COL24A1: variants seen among roughly 807,000 people sequenced by gnomAD.
COL24A1 encodes collagen alpha-1(XXIV) chain.
In COL24A1, 224 loss-of-function variants were observed where a neutral mutation model predicts 253.9. The ratio of observed to expected loss-of-function variants is 0.88; its 90% confidence interval spans 0.79 to 0.99. The LOEUF (loss-of-function observed/expected upper bound fraction) is 0.99, where lower values mean the gene tolerates loss of function less well. Ranked by LOEUF, COL24A1 falls within the 50% of genes least tolerant of loss-of-function variation. The pLI is 0.00. For missense variants in COL24A1, 2,131 were observed against 2,068.5 expected (o/e 1.03, Z -0.59); for synonymous variants, 685 against 673.7 (o/e 1.02, Z -0.26).
intron 12 of COL24A1, 129 bp from the exon 13 acceptor site, chr1:86,034,052 CT>C: frequency 5.0e-6 from 3 of 597,194 alleles, no homozygotes; most frequent in Non-Finnish European, 8.2e-6. Context: ...AACAAACATT[CT>C]TTTGCATAAC....
At chr1:86,124,492 T>G (rs1327841660) in intron 3 of COL24A1, among the ~76,000 whole-genome samples, 1 of 152,006 alleles carries the variant, frequency 6.6e-6, no homozygotes, top group Non-Finnish European at 1.5e-5. Flanking sequence ...TGACTATGCA[T>G]TCTCCTATGG....
chr1:85,987,497 T>A, intron 20 of COL24A1, 104 bp downstream of exon 20: 1 of 1,014,276 alleles, frequency 9.9e-7, no homozygotes, highest in Admixed American at 2.3e-5. Flanking sequence ...CTTAAAAATA[T>A]CCAGAAATGT....
intron 32 of COL24A1, among the ~76,000 whole-genome samples, chr1:85,882,382 G>A (rs1313303970): frequency 1.3e-5 from 2 of 152,072 alleles, no homozygotes; most frequent in Non-Finnish European, 2.9e-5. Context: ...GGAGAATGGC[G>A]CGAACCCGGG....
intron 24 of COL24A1, among the ~76,000 whole-genome samples, chr1:85,937,551 A>G (rs1439456691): frequency 6.8e-6 from 1 of 147,790 alleles, no homozygotes; most frequent in African/African-American, 2.5e-5. Flanking sequence ...GAAAGCTGAC[A>G]TCAGCAAGCC....
chr1:86,099,640 T>C (rs1288772795), intron 5 of COL24A1, among the ~76,000 whole-genome samples: 1 of 152,194 alleles, frequency 6.6e-6, no homozygotes, highest in Non-Finnish European at 1.5e-5. Flanking sequence ...ATATGTAATC[T>C]ACCAGCAAAT....
At chr1:86,153,717 C>A (rs1448626976) in intron 1 of COL24A1, among the ~76,000 whole-genome samples, 2 of 152,162 alleles carry the variant, frequency 1.3e-5, no homozygotes, top group African/African-American at 4.8e-5. Context: ...ACAAATATAA[C>A]TAAGCAACTT....
At chr1:85,807,098 T>A (rs1165087286) in intron 47 of COL24A1, among the ~76,000 whole-genome samples, 1 of 152,188 alleles carries the variant, frequency 6.6e-6, no homozygotes, top group Non-Finnish European at 1.5e-5. Flanking sequence ...CTTCCTGGCT[T>A]GTGGAGGCAG....
intron 8 of COL24A1, among the ~76,000 whole-genome samples, chr1:86,059,763 C>A (rs1017788704): frequency 1.3e-5 from 2 of 152,076 alleles, no homozygotes; most frequent in Non-Finnish European, 2.9e-5. Context: ...AAATCCTAAC[C>A]CTGCTGATAA....
intron 24 of COL24A1, among the ~76,000 whole-genome samples, chr1:85,936,848 T>TC (rs1688287658): frequency 6.8e-6 from 1 of 147,570 alleles, no homozygotes; most frequent in Non-Finnish European, 1.5e-5. Flanking sequence ...AAACACATTT[T>TC]GAAAAATGAA....
chr1:85,905,881 C>CT (rs1406057327), intron 28 of COL24A1, among the ~76,000 whole-genome samples: 1 of 151,966 alleles, frequency 6.6e-6, no homozygotes, highest in African/African-American at 2.4e-5. Context: ...AGTATTTCTT[C>CT]TTTTTTTCAT....
At chr1:85,824,944 T>G (rs1674075195) in intron 43 of COL24A1, among the ~76,000 whole-genome samples, 1 of 149,384 alleles carries the variant, frequency 6.7e-6, no homozygotes, top group South Asian at 2.1e-4. Context: ...TTATTATACT[T>G]GAAGTTTTAG....
At chr1:85,781,196 A>C (rs761890114) in intron 52 of COL24A1, 24 bp downstream of exon 52, 9 of 1,522,506 alleles carry the variant, frequency 5.9e-6, no homozygotes, top group Non-Finnish European at 8.1e-6. Context: ...AGAGTACAAA[A>C]GACTTGTATT....
rs574381661 is a variant in COL24A1, at chr1:86,145,188, A to T, written c.121+931T>A. Among the ~76,000 whole-genome samples the T allele has an allele frequency of 2.0e-5, 3 of 152,182 alleles. No homozygotes were observed. In the South Asian group the frequency reaches 6.2e-4, roughly 32 times the overall value. ...TCTCTACCTTGCACATATTTCATTC[A>T]TAATTTGTTTACTTGTCTTTTTCTT... On this transcript the variant is annotated intron_variant, in intron 2 of 59. Transcript: ENST00000370571.
chr1:85,795,851 A>G (rs1670753571), intron 47 of COL24A1, among the ~76,000 whole-genome samples: 1 of 152,122 alleles, frequency 6.6e-6, no homozygotes, highest in East Asian at 1.9e-4. Context: ...TATAAATAAT[A>G]CTTTACTTCC....
At chr1:85,854,219 G>GT (rs778598743) in intron 37 of COL24A1, among the ~76,000 whole-genome samples, 6 of 152,132 alleles carry the variant, frequency 3.9e-5, no homozygotes, top group Non-Finnish European at 5.9e-5. Flanking sequence ...ACTGAATAGG[G>GT]TAAACTTTCC....
At chr1:86,149,349 T>C (rs927238062) in intron 1 of COL24A1, among the ~76,000 whole-genome samples, 1 of 152,232 alleles carries the variant, frequency 6.6e-6, no homozygotes, top group Non-Finnish European at 1.5e-5. Flanking sequence ...AAGATTAAAA[T>C]GATGTGTGGG....
chr1:86,103,403 A>G (rs1332217508), intron 5 of COL24A1, among the ~76,000 whole-genome samples: 1 of 152,140 alleles, frequency 6.6e-6, no homozygotes, highest in Non-Finnish European at 1.5e-5. Context: ...ATATATGTGG[A>G]TTTGATACTG....
chr1:86,106,242 C>T (rs1704969980), intron 5 of COL24A1, among the ~76,000 whole-genome samples: 1 of 152,020 alleles, frequency 6.6e-6, no homozygotes, highest in African/African-American at 2.4e-5. Context: ...TAGGAGAAGA[C>T]AGTCATAACC....
chr1:86,081,550 C>T (rs561854384), intron 7 of COL24A1, among the ~76,000 whole-genome samples: 27 of 152,090 alleles, frequency 1.8e-4, no homozygotes, highest in Non-Finnish European at 2.6e-4. Flanking sequence ...TTTGATTATT[C>T]ATCTGTGTAA....
Sources: gnomAD v4.1 joint callset for allele counts (sites outside exome capture counted in the v4.1 genomes callset) on GRCh38, gnomAD v4.1.1 for gene constraint, MANE v1.5 for transcripts, NCBI Gene and HGNC (gene_info 2026-07-23, HGNC 2026-07-21) for gene names.